Variants in PKIB observed in about 807,000 individuals in gnomAD.
PKIB encodes the protein cAMP-dependent protein kinase inhibitor beta.
Under a neutral mutation model 4.5 loss-of-function variants are expected in PKIB, and 2 were observed. The observed-to-expected ratio is 0.44, with a 90% CI of 0.18 to 1.39. The LOEUF (loss-of-function observed/expected upper bound fraction) is 1.39. Among genes scored for constraint, PKIB ranks in the 40% most tolerant of loss-of-function variants. The pLI is 0.27. For missense variants in PKIB, 94 were observed against 92.6 expected (o/e 1.02, Z -0.06); for synonymous variants, 38 against 36.0 (o/e 1.06, Z -0.20).
chr6:122,542,356 T>A (rs1232200006), intron 2 of PKIB, among the ~76,000 whole-genome samples: 1 of 151,952 alleles, frequency 6.6e-6, no homozygotes, highest in East Asian at 1.9e-4. Context: ...CACAGAAGGG[T>A]TTTTGGTGTG....
At chr6:122,521,705 G>T (rs1277479971) in intron 2 of PKIB, among the ~76,000 whole-genome samples, 2 of 151,906 alleles carry the variant, frequency 1.3e-5, no homozygotes, top group Non-Finnish European at 2.9e-5. Flanking sequence ...AATAATAAAA[G>T]AAGATGACAT....
intron 3 of PKIB, among the ~76,000 whole-genome samples, chr6:122,696,607 C>A (rs1425284216): frequency 2.0e-5 from 3 of 152,188 alleles, no homozygotes; most frequent in African/African-American, 7.2e-5. Context: ...GAGTTCTCAG[C>A]CCCTCAGAGG....
intron 1 of PKIB, among the ~76,000 whole-genome samples, chr6:122,617,753 CTAAGTA>C (rs1321696599): frequency 1.3e-5 from 2 of 152,052 alleles, no homozygotes; most frequent in Admixed American, 6.6e-5. Context: ...TAGGTTATGT[CTAAGTA>C]TATCTAGAAT....
chr6:122,636,737 G>A (rs969706875), intron 2 of PKIB, among the ~76,000 whole-genome samples: 3 of 152,044 alleles, frequency 2.0e-5, no homozygotes, highest in African/African-American at 7.2e-5. Flanking sequence ...TTGGAAGTAT[G>A]GACAGTCTGG....
intron 2 of PKIB, among the ~76,000 whole-genome samples, chr6:122,519,946 G>A (rs918527527): frequency 6.6e-6 from 1 of 152,172 alleles, no homozygotes; most frequent in African/African-American, 2.4e-5. Flanking sequence ...TCACTGAACT[G>A]TTGGCATTTT....
At chr6:122,610,775 C>T (rs905223200) in intron 1 of PKIB, among the ~76,000 whole-genome samples, 1 of 152,240 alleles carries the variant, frequency 6.6e-6, no homozygotes, top group African/African-American at 2.4e-5. Flanking sequence ...AGGACGCTCA[C>T]GCCAACAGGC....
At chr6:122,603,395 G>A (rs1197587135) in intron 3 of PKIB, among the ~76,000 whole-genome samples, 1 of 152,156 alleles carries the variant, frequency 6.6e-6, no homozygotes, top group Non-Finnish European at 1.5e-5. Flanking sequence ...TCTAATCTTA[G>A]ATCTAACCCA....
intron 2 of PKIB, among the ~76,000 whole-genome samples, chr6:122,506,947 C>T (rs533087387): frequency 0.012 from 1,751 of 151,808 alleles, 38 homozygotes; most frequent in African/African-American, 0.041. Context: ...GTGATCCGCC[C>T]GCCTCGGCCT....
chr6:122,694,816 G>GT (rs1239739084), intron 3 of PKIB, among the ~76,000 whole-genome samples: 1 of 152,202 alleles, frequency 6.6e-6, no homozygotes, highest in Non-Finnish European at 1.5e-5. Flanking sequence ...AGGTCGAGGT[G>GT]TACATAGCTG....
At chr6:122,587,897 G>A (rs1582716875) in intron 3 of PKIB, among the ~76,000 whole-genome samples, 1 of 151,926 alleles carries the variant, frequency 6.6e-6, no homozygotes, top group African/African-American at 2.4e-5. Context: ...AAATTTGTTT[G>A]AGTTCATTGT....
At chr6:122,510,030 C>A (rs887809660) in intron 2 of PKIB, among the ~76,000 whole-genome samples, 1 of 151,364 alleles carries the variant, frequency 6.6e-6, no homozygotes, top group South Asian at 2.1e-4. Flanking sequence ...AAGTAGGGAT[C>A]TTTAAGTTGG....
At chr6:122,705,388 C>G (rs1353038342) in intron 3 of PKIB, among the ~76,000 whole-genome samples, 1 of 152,008 alleles carries the variant, frequency 6.6e-6, no homozygotes, top group African/African-American at 2.4e-5. Context: ...AGTGTAAGTC[C>G]TTTACTTTTT....
intron 2 of PKIB, among the ~76,000 whole-genome samples, chr6:122,489,129 T>C (rs1430885851): frequency 6.6e-6 from 1 of 152,150 alleles, no homozygotes; most frequent in East Asian, 1.9e-4. Flanking sequence ...TTTCTACTTG[T>C]GTTAGCTGCC....
chr6:122,725,036 G>T, intron 4 of PKIB, 92 bp from the exon 5 acceptor site: 4 of 967,276 alleles, frequency 4.1e-6, no homozygotes, highest in Non-Finnish European at 6.2e-6. Context: ...AAATATGGAC[G>T]GTGGACAAAG....
intron 2 of PKIB, among the ~76,000 whole-genome samples, chr6:122,529,206 C>T (rs896631784): frequency 1.3e-5 from 2 of 151,782 alleles, no homozygotes; most frequent in African/African-American, 4.8e-5. Context: ...TTCTTATTTC[C>T]TTTTGGATAT....
intron 2 of PKIB, among the ~76,000 whole-genome samples, chr6:122,668,358 A>AT (rs1259414865): frequency 6.6e-6 from 1 of 152,192 alleles, no homozygotes; most frequent in Non-Finnish European, 1.5e-5. Flanking sequence ...GAAAAAGGAG[A>AT]TTCCTAACCG....
At chr6:122,514,249 A>G (rs778590617) in intron 2 of PKIB, among the ~76,000 whole-genome samples, 2 of 152,204 alleles carry the variant, frequency 1.3e-5, no homozygotes, top group Non-Finnish European at 2.9e-5. Flanking sequence ...GAGAATTCTC[A>G]GTATGCTTTC....
chr6:122,563,767 AC>A (rs919915884), intron 2 of PKIB, among the ~76,000 whole-genome samples: 4 of 151,974 alleles, frequency 2.6e-5, no homozygotes, highest in Non-Finnish European at 5.9e-5. Context: ...CACAGGCCTC[AC>A]CCAGCTCCCA....
intron 2 of PKIB, among the ~76,000 whole-genome samples, chr6:122,674,425 G>T (rs768617372): frequency 1.3e-5 from 2 of 152,092 alleles, no homozygotes; most frequent in Non-Finnish European, 2.9e-5. Flanking sequence ...GCTATGAGTG[G>T]CTAATGTGCA....
Sources: gnomAD v4.1 joint callset for allele counts (sites outside exome capture counted in the v4.1 genomes callset) on GRCh38, gnomAD v4.1.1 for gene constraint, MANE v1.5 for transcripts, NCBI Gene and HGNC (gene_info 2026-07-23, HGNC 2026-07-21) for gene names.